CACNA2D3: variants seen among roughly 807,000 people sequenced by gnomAD.
CACNA2D3 encodes calcium voltage-gated channel auxiliary subunit alpha2delta 3.
In CACNA2D3, 60 loss-of-function variants were observed where a neutral mutation model predicts 160.6. That is an observed-to-expected ratio of 0.37 (90% CI 0.30 to 0.46). The LOEUF is 0.46. CACNA2D3 is among the 20% of genes least tolerant of loss of function. The pLI is 1.00. For missense variants in CACNA2D3, 1,205 were observed against 1,365.0 expected (o/e 0.88, Z 1.85); for synonymous variants, 558 against 492.9 (o/e 1.13, Z -1.75).
chr3:54,483,051 AGAATGAAT>A (rs973079169), intron 4 of CACNA2D3, among the ~76,000 whole-genome samples: 2 of 152,308 alleles, frequency 1.3e-5, no homozygotes, highest in South Asian at 2.1e-4. Context: ...GCTAATTGAG[AGAATGAAT>A]GAATGAATGA....
intron 13 of CACNA2D3, among the ~76,000 whole-genome samples, chr3:54,780,319 A>T (rs1702507697): frequency 6.6e-6 from 1 of 152,228 alleles, no homozygotes; most frequent in Non-Finnish European, 1.5e-5. Flanking sequence ...GAACAGGGAC[A>T]TTTGGGGGAT....
chr3:54,557,480 TCC>T (rs1702258668), intron 5 of CACNA2D3, among the ~76,000 whole-genome samples: 1 of 152,156 alleles, frequency 6.6e-6, no homozygotes, highest in South Asian at 2.1e-4. Context: ...ACTGGGCAAA[TCC>T]CAGTTGTCAC....
At chr3:54,307,003 A>G (rs1703617807) in intron 2 of CACNA2D3, among the ~76,000 whole-genome samples, 1 of 152,106 alleles carries the variant, frequency 6.6e-6, no homozygotes. Context: ...CAAAGAAACC[A>G]AGAAGTGGCT....
chr3:54,393,617 C>T (rs939174705), intron 4 of CACNA2D3, among the ~76,000 whole-genome samples: 7 of 152,234 alleles, frequency 4.6e-5, no homozygotes, highest in Non-Finnish European at 1.0e-4. Flanking sequence ...GAAGCAGCAC[C>T]CTGCATCCTG....
chr3:54,438,347 A>C (rs908191335), intron 4 of CACNA2D3, among the ~76,000 whole-genome samples: 1 of 152,218 alleles, frequency 6.6e-6, no homozygotes, highest in East Asian at 1.9e-4. Flanking sequence ...TTTGTGTTTC[A>C]TGATATGCCT....
intron 13 of CACNA2D3, among the ~76,000 whole-genome samples, chr3:54,814,178 ATTC>A (rs1471337643): frequency 6.6e-6 from 1 of 152,146 alleles, no homozygotes; most frequent in African/African-American, 2.4e-5. Context: ...TGGTCATAAA[ATTC>A]TTTCCAGTGA....
intron 14 of CACNA2D3, among the ~76,000 whole-genome samples, chr3:54,819,793 C>T (rs1001945138): frequency 2.6e-5 from 4 of 151,378 alleles, no homozygotes; most frequent in African/African-American, 7.3e-5. Flanking sequence ...TGCAGTGAGC[C>T]GAGATCACAC....
intron 2 of CACNA2D3, among the ~76,000 whole-genome samples, chr3:54,181,232 G>A (rs1024513964): frequency 6.6e-6 from 1 of 152,168 alleles, no homozygotes; most frequent in African/African-American, 2.4e-5. Flanking sequence ...TTGAGCTATG[G>A]TGATGAATAG....
At chr3:54,123,160 T>TC (rs566947763) in intron 1 of CACNA2D3, among the ~76,000 whole-genome samples, 12 of 151,282 alleles carry the variant, frequency 7.9e-5, no homozygotes, top group Middle Eastern at 3.4e-3. Context: ...CTTCTTTTTT[T>TC]GGGGGGGGGA....
At chr3:54,343,251 T>C (rs2107527169) in intron 3 of CACNA2D3, among the ~76,000 whole-genome samples, 1 of 152,218 alleles carries the variant, frequency 6.6e-6, no homozygotes, top group East Asian at 1.9e-4. Flanking sequence ...GGAGAGTTGA[T>C]TCAATAAACT....
At chr3:54,639,296 C>T (rs1480230951) in intron 10 of CACNA2D3, 2 of 151,838 alleles carry the variant, frequency 1.3e-5, no homozygotes, top group African/African-American at 2.4e-5. Context: ...GCCCCTGCCC[C>T]AGGAAAGCGG....
intron 14 of CACNA2D3, 67 bp from the exon 15 acceptor site, chr3:54,837,092 G>A (rs371196513): frequency 1.5e-6 from 2 of 1,349,274 alleles, no homozygotes; most frequent in East Asian, 2.3e-5. Context: ...TGATTGTCAA[G>A]GGGGTGGCCT....
chr3:54,201,440 A>G (rs1701177433), intron 2 of CACNA2D3, among the ~76,000 whole-genome samples: 1 of 152,208 alleles, frequency 6.6e-6, no homozygotes, highest in African/African-American at 2.4e-5. Context: ...TAACTCAAGA[A>G]TTATTGATTG....
At chr3:54,651,025 A>T (rs1398361533) in intron 11 of CACNA2D3, among the ~76,000 whole-genome samples, 1 of 152,210 alleles carries the variant, frequency 6.6e-6, no homozygotes, top group African/African-American at 2.4e-5. Flanking sequence ...CCTGACTAGC[A>T]TTTGGTGGAC....
chr3:54,361,879 G>C (rs1007550579), intron 3 of CACNA2D3, among the ~76,000 whole-genome samples: 1 of 152,296 alleles, frequency 6.6e-6, no homozygotes, highest in East Asian at 1.9e-4. Context: ...CATGAAGTCT[G>C]GTGGAATTTT....
In CACNA2D3 at chr3:54,648,188, C is replaced by T. The variant is rs1295624748; in HGVS notation, c.1167+5947C>T. On this transcript the variant is annotated intron_variant, in intron 11 of 37. Coordinates refer to ENST00000474759, the MANE Select transcript of CACNA2D3 (RefSeq NM_018398.3). ...ACTGTGGTCCATGTGCCAAATCTGG[C>T]CCATTGCCTGCTTTTGCAGCTTATG... Among the ~76,000 whole-genome samples, 6 of 152,200 alleles carry T rather than the reference C, an allele frequency of 3.9e-5. No individual in the cohort carries two copies. In the South Asian group the frequency reaches 1.0e-3, roughly 26 times the overall value.
rs542121942 is a variant in CACNA2D3 at position 54,440,841 on chromosome 3, A to G, written c.381+54067A>G. Among the ~76,000 whole-genome samples the G allele has an allele frequency of 8.2e-3, 1,255 of 152,320 alleles. 15 individuals are homozygous for G. The highest frequency in any genetic ancestry group is 0.029 in the African/African-American group (1,190 of 41,556). On this transcript the variant is annotated intron_variant, in intron 4 of 37. Coordinates refer to ENST00000474759, the MANE Select transcript of CACNA2D3 (RefSeq NM_018398.3). ...TCATCATTTTTTATGGCTGCATAGC[A>G]TTCCATGGTGTATATGTGCCACATT...
chr3:54,800,986 CT>C (rs541320556), intron 13 of CACNA2D3, among the ~76,000 whole-genome samples: 4,009 of 140,564 alleles, frequency 0.029, 98 homozygotes, highest in African/African-American at 0.07. Context: ...ACTGGAATAT[CT>C]TTTTTTTTTT....
chr3:54,885,664 CTTG>C, intron 23 of CACNA2D3, 78 bp downstream of exon 23: 3 of 1,009,562 alleles, frequency 3.0e-6, no homozygotes, highest in Non-Finnish European at 4.6e-6. Context: ...TTTGGCCTCA[CTTG>C]TTAAGGGAAG....
Sources: allele counts gnomAD v4.1 joint callset (sites outside exome capture counted in the v4.1 genomes callset), GRCh38; gene constraint gnomAD v4.1.1; transcripts MANE v1.5; gene names NCBI Gene and HGNC (gene_info 2026-07-23, HGNC 2026-07-21).